GRID2: variants seen among roughly 807,000 people sequenced by gnomAD.
GRID2 encodes glutamate ionotropic receptor delta type subunit 2.
A neutral mutation model predicts 114.8 loss-of-function variants in GRID2; 33 were observed. The ratio of observed to expected loss-of-function variants is 0.29; its 90% CI spans 0.22 to 0.38. GRID2 has a LOEUF of 0.38. GRID2 is among the 10% of genes least tolerant of loss of function. GRID2 has a pLI of 1.00. For missense variants in GRID2, 1,184 were observed against 1,257.7 expected (o/e 0.94, Z 0.89); for synonymous variants, 505 against 449.9 (o/e 1.12, Z -1.55).
intron 2 of GRID2, among the ~76,000 whole-genome samples, chr4:92,594,783 A>T (rs1265377406): frequency 2.6e-5 from 4 of 151,962 alleles, no homozygotes; most frequent in Admixed American, 6.6e-5. Context: ...CTTCTGTGGC[A>T]TCTATGTACA....
intron 14 of GRID2, among the ~76,000 whole-genome samples, chr4:93,760,338 A>G (rs1253042855): frequency 2.0e-5 from 3 of 152,204 alleles, no homozygotes; most frequent in Non-Finnish European, 4.4e-5. Context: ...ATGCCTTAGG[A>G]AGACACTAGT....
intron 2 of GRID2, among the ~76,000 whole-genome samples, chr4:92,684,608 G>C (rs1239351259): frequency 1.3e-5 from 2 of 151,906 alleles, no homozygotes; most frequent in African/African-American, 2.4e-5. Flanking sequence ...CCAATTATTT[G>C]TATTTAGAGA....
chr4:92,816,343 T>G (rs79531956), intron 2 of GRID2, among the ~76,000 whole-genome samples: 2 of 132,074 alleles, frequency 1.5e-5, no homozygotes, highest in Non-Finnish European at 3.2e-5. Flanking sequence ...AAAAAAAAAG[T>G]ACATTTTACT....
chr4:93,065,367 G>A (rs1728208327), intron 2 of GRID2, among the ~76,000 whole-genome samples: 1 of 151,882 alleles, frequency 6.6e-6, no homozygotes, highest in East Asian at 1.9e-4. Flanking sequence ...ATTTGCACAA[G>A]TTTATTTACT....
chr4:92,333,277 T>C (rs993388303), intron 1 of GRID2, among the ~76,000 whole-genome samples: 10 of 152,198 alleles, frequency 6.6e-5, no homozygotes, highest in Non-Finnish European at 1.3e-4. Context: ...AGGGGTCAGT[T>C]GAGCCAATGT....
At chr4:93,287,612 A>C (rs1753322083) in intron 8 of GRID2, among the ~76,000 whole-genome samples, 1 of 152,214 alleles carries the variant, frequency 6.6e-6, no homozygotes, top group African/African-American at 2.4e-5. Context: ...TAACTTAATG[A>C]AAGGACAGTT....
chr4:93,013,944 A>G (rs1722432450), intron 2 of GRID2, among the ~76,000 whole-genome samples: 1 of 151,978 alleles, frequency 6.6e-6, no homozygotes, highest in Admixed American at 6.6e-5. Flanking sequence ...ATTGAATAAT[A>G]TTTACCTGGT....
intron 2 of GRID2, among the ~76,000 whole-genome samples, chr4:92,925,444 C>T (rs1331514688): frequency 6.6e-6 from 1 of 152,012 alleles, no homozygotes; most frequent in Admixed American, 6.6e-5. Context: ...TGAAAGCTGA[C>T]TACATTTTCA....
At chr4:92,978,822 C>T (rs975997943) in intron 2 of GRID2, among the ~76,000 whole-genome samples, 4 of 151,904 alleles carry the variant, frequency 2.6e-5, no homozygotes, top group African/African-American at 7.3e-5. Context: ...ACCTGGGGCC[C>T]GAGACCAGTT....
chr4:92,426,024 A>G (rs546882328), intron 1 of GRID2, among the ~76,000 whole-genome samples: 1 of 152,036 alleles, frequency 6.6e-6, no homozygotes, highest in South Asian at 2.1e-4. Flanking sequence ...TCTCTTTAAC[A>G]TCTCACTTGG....
chr4:92,793,233 G>T (rs1347991660), intron 2 of GRID2, among the ~76,000 whole-genome samples: 1 of 151,510 alleles, frequency 6.6e-6, no homozygotes, highest in African/African-American at 2.4e-5. Context: ...GTTGTGTCTT[G>T]TTTGATTATT....
At chr4:93,395,388 A>G (rs186513034) in intron 8 of GRID2, among the ~76,000 whole-genome samples, 36 of 152,164 alleles carry the variant, frequency 2.4e-4, no homozygotes, top group Middle Eastern at 6.8e-3. Flanking sequence ...TGAGCCTCCT[A>G]AAGCACATTG....
chr4:92,721,525 C>G (rs531225645), intron 2 of GRID2, among the ~76,000 whole-genome samples: 3 of 152,048 alleles, frequency 2.0e-5, no homozygotes, highest in African/African-American at 7.2e-5. Flanking sequence ...TTAGCAAATA[C>G]TATCTAGAAA....
chr4:93,011,081 A>G (rs1722082464), intron 2 of GRID2, among the ~76,000 whole-genome samples: 2 of 148,922 alleles, frequency 1.3e-5, no homozygotes, highest in African/African-American at 4.9e-5. Context: ...TAATTTTTTA[A>G]TATGTCCAGG....
At chr4:92,847,688 T>A (rs1743436020) in intron 2 of GRID2, among the ~76,000 whole-genome samples, 2 of 152,124 alleles carry the variant, frequency 1.3e-5, no homozygotes, top group South Asian at 4.1e-4. Context: ...TATATTCCAT[T>A]CCATACTTAG....
intron 2 of GRID2, among the ~76,000 whole-genome samples, chr4:92,727,651 AACAATTTAT>A (rs1260063740): frequency 6.6e-6 from 1 of 152,122 alleles, no homozygotes; most frequent in Non-Finnish European, 1.5e-5. Flanking sequence ...TGGCAATTAT[AACAATTTAT>A]ACAAATTGCT....
chr4:92,613,841 C>T (rs912570546), intron 2 of GRID2, among the ~76,000 whole-genome samples: 2 of 151,234 alleles, frequency 1.3e-5, no homozygotes, highest in African/African-American at 4.8e-5. Flanking sequence ...TTTTATTTCA[C>T]TGATTTTGCT....
intron 1 of GRID2, among the ~76,000 whole-genome samples, chr4:92,341,055 A>G (rs896449610): frequency 6.6e-6 from 1 of 152,190 alleles, no homozygotes; most frequent in Admixed American, 6.6e-5. Flanking sequence ...TATATACAAA[A>G]GGGCAGTATC....
chr4:92,721,417 A>AATTTATT (rs1393216792), intron 2 of GRID2, among the ~76,000 whole-genome samples: 1 of 152,134 alleles, frequency 6.6e-6, no homozygotes, highest in Non-Finnish European at 1.5e-5. Flanking sequence ...CAGTTTTCTG[A>AATTTATT]ATTTATTCTC....
Sources: allele counts gnomAD v4.1 joint callset (sites outside exome capture counted in the v4.1 genomes callset), GRCh38; gene constraint gnomAD v4.1.1; transcripts MANE v1.5; gene names NCBI Gene and HGNC (gene_info 2026-07-23, HGNC 2026-07-21).